Variants in SLC25A13 observed in about 807,000 individuals in gnomAD.
SLC25A13 encodes the protein solute carrier family 25 member 13.
SLC25A13 carries 70 observed loss-of-function variants against 85.5 expected under a neutral mutation model. The ratio of observed to expected loss-of-function variants is 0.82; its 90% confidence interval spans 0.68 to 1.00. The LOEUF (loss-of-function observed/expected upper bound fraction) is 1.00, where lower values mean the gene tolerates loss of function less well. Among genes scored for constraint, SLC25A13 ranks in the 50% least tolerant of loss-of-function variants. The pLI is 0.00. For missense variants in SLC25A13, 765 were observed against 819.8 expected (o/e 0.93, Z 0.82); for synonymous variants, 259 against 288.7 (o/e 0.90, Z 1.04).
chr7:96,153,093 A>G (rs1446202133), intron 13 of SLC25A13, among the ~76,000 whole-genome samples: 1 of 152,244 alleles, frequency 6.6e-6, no homozygotes, highest in African/African-American at 2.4e-5. Context: ...ATAACAGTAC[A>G]AGTTCTGAAT....
intron 4 of SLC25A13, among the ~76,000 whole-genome samples, chr7:96,212,366 G>T (rs192161687): frequency 2.1e-3 from 318 of 152,296 alleles, no homozygotes; most frequent in Middle Eastern, 6.8e-3. Context: ...GGTAGTAAAA[G>T]GTATGAGGCT....
intron 2 of SLC25A13, among the ~76,000 whole-genome samples, chr7:96,281,823 C>T (rs1479978346): frequency 1.3e-5 from 2 of 152,152 alleles, no homozygotes; most frequent in Non-Finnish European, 2.9e-5. Flanking sequence ...ATAGTTTTCT[C>T]CAGTTTTTAA....
rs548549502 is a variant in SLC25A13 at position 96,184,787 on chromosome 7, C to T, written c.1018+140G>A. ...GAAAAGAGTTCCCTTTACTCTTGCC[C>T]TACCTCACAGGTAGAAACTGATAAC... On this transcript the variant is annotated intron_variant, in intron 10 of 17. Coordinates refer to ENST00000265631, the MANE Select transcript of SLC25A13 (RefSeq NM_014251.3). The T allele has an allele frequency of 3.9e-4, 304 of 775,564 alleles. 1 individual carries two copies. The highest frequency in any genetic ancestry group is 3.4e-3 in the South Asian group (223 of 65,466). 48.0% of individuals were successfully genotyped at this position (775,564 alleles called of 1,614,324 possible).
chr7:96,193,935 A>C (rs957467169), intron 5 of SLC25A13, among the ~76,000 whole-genome samples: 5 of 152,222 alleles, frequency 3.3e-5, no homozygotes, highest in African/African-American at 1.2e-4. Context: ...AATGATCTGA[A>C]GACAGAAAGT....
intron 1 of SLC25A13, among the ~76,000 whole-genome samples, chr7:96,302,247 CAAG>C (rs1799575137): frequency 6.6e-6 from 1 of 152,020 alleles, no homozygotes; most frequent in African/African-American, 2.4e-5. Context: ...GAGAACATGG[CAAG>C]AAGAATACAA....
chr7:96,134,566 G>C (rs1295477406), intron 14 of SLC25A13, among the ~76,000 whole-genome samples: 1 of 151,830 alleles, frequency 6.6e-6, no homozygotes, highest in Non-Finnish European at 1.5e-5. Context: ...GAAGAGTAAA[G>C]GCACATGAAG....
chr7:96,310,391 A>G (rs568053080), intron 1 of SLC25A13, among the ~76,000 whole-genome samples: 1 of 152,354 alleles, frequency 6.6e-6, no homozygotes, highest in Non-Finnish European at 1.5e-5. Context: ...TTAGATCCAG[A>G]TTAAATATTT....
chr7:96,249,243 T>C (rs1228726118), intron 3 of SLC25A13, among the ~76,000 whole-genome samples: 3 of 152,232 alleles, frequency 2.0e-5, no homozygotes, highest in East Asian at 1.9e-4. Context: ...AATACTACTA[T>C]TCCCACCTCT....
intron 1 of SLC25A13, among the ~76,000 whole-genome samples, chr7:96,318,375 A>T (rs1002605256): frequency 3.3e-5 from 5 of 152,216 alleles, no homozygotes; most frequent in African/African-American, 9.6e-5. Context: ...CCACCTTTTA[A>T]AACTGTTTTT....
intron 11 of SLC25A13, among the ~76,000 whole-genome samples, chr7:96,172,621 G>T (rs534129975): frequency 6.6e-6 from 1 of 151,508 alleles, no homozygotes; most frequent in Non-Finnish European, 1.5e-5. Flanking sequence ...AGTTCTGACC[G>T]AACTCTGACT....
At chr7:96,230,980 G>C (rs576344927) in intron 4 of SLC25A13, among the ~76,000 whole-genome samples, 11 of 152,096 alleles carry the variant, frequency 7.2e-5, no homozygotes, top group African/African-American at 2.7e-4. Flanking sequence ...GCATGGTGGT[G>C]CATGCCTATA....
intron 3 of SLC25A13, among the ~76,000 whole-genome samples, chr7:96,238,222 G>C (rs1796816120): frequency 6.6e-6 from 1 of 151,998 alleles, no homozygotes. Flanking sequence ...GATGAACATA[G>C]AGATCAGGGT....
chr7:96,314,494 T>A (rs1446704203), intron 1 of SLC25A13, among the ~76,000 whole-genome samples: 2 of 152,060 alleles, frequency 1.3e-5, no homozygotes, highest in Non-Finnish European at 2.9e-5. Flanking sequence ...CCTCCTTACC[T>A]CCAAGCAGAA....
chr7:96,202,339 A>G (rs906085659), intron 5 of SLC25A13, among the ~76,000 whole-genome samples: 6 of 152,162 alleles, frequency 3.9e-5, no homozygotes, highest in Non-Finnish European at 7.4e-5. Flanking sequence ...CAAAATGAGG[A>G]CCAGAGTAAA....
chr7:96,320,411 AC>A (rs1800296968), intron 1 of SLC25A13, among the ~76,000 whole-genome samples: 1 of 152,204 alleles, frequency 6.6e-6, no homozygotes, highest in African/African-American at 2.4e-5. Context: ...AAAAGTATTT[AC>A]ATTACCTGCA....
intron 6 of SLC25A13, among the ~76,000 whole-genome samples, chr7:96,192,416 G>C (rs923050069): frequency 6.6e-6 from 1 of 152,178 alleles, no homozygotes; most frequent in Non-Finnish European, 1.5e-5. Context: ...CTCAGAATCT[G>C]TAGTTTTAAT....
At chr7:96,257,651 T>C (rs1797692338) in intron 3 of SLC25A13, among the ~76,000 whole-genome samples, 2 of 152,318 alleles carry the variant, frequency 1.3e-5, no homozygotes, top group South Asian at 4.1e-4. Flanking sequence ...GAGGAGCTGG[T>C]ACCATTCCTT....
chr7:96,146,791 T>G, intron 13 of SLC25A13, 95 bp from the exon 14 acceptor site: 2 of 1,412,928 alleles, frequency 1.4e-6, no homozygotes, highest in Non-Finnish European at 2.0e-6. Flanking sequence ...AAAAATATTC[T>G]ATCCTCAAGA....
At chr7:96,258,364 G>A (rs1022406991) in intron 3 of SLC25A13, among the ~76,000 whole-genome samples, 1 of 152,180 alleles carries the variant, frequency 6.6e-6, no homozygotes, top group African/African-American at 2.4e-5. Context: ...AGCAACTTCA[G>A]CAATGTCTCA....
Sources: allele counts gnomAD v4.1 joint callset (sites outside exome capture counted in the v4.1 genomes callset), GRCh38; gene constraint gnomAD v4.1.1; transcripts MANE v1.5; gene names NCBI Gene and HGNC (gene_info 2026-07-23, HGNC 2026-07-21).